LCOR: variants seen among roughly 807,000 people sequenced by gnomAD.
LCOR encodes the protein ligand dependent nuclear receptor corepressor.
Under a neutral mutation model 64.4 loss-of-function variants are expected in LCOR, and 14 were observed. That is an observed-to-expected ratio of 0.22 (90% CI 0.14 to 0.34). The LOEUF is 0.34. LCOR is among the 10% of genes least tolerant of loss of function. The pLI is 1.00. For synonymous variants in LCOR, 643 were observed against 642.5 expected (o/e 1.00, Z -0.01); for missense variants, 1,686 against 1,765.3 (o/e 0.96, Z 0.80).
At chr10:96,931,676 AG>A (rs1251624058) in intron 4 of LCOR, among the ~76,000 whole-genome samples, 2 of 152,248 alleles carry the variant, frequency 1.3e-5, no homozygotes, top group Admixed American at 1.3e-4. Flanking sequence ...ACCTGAAGAT[AG>A]ATGGACCTAC....
chr10:96,860,179 T>G (rs1845864836), intron 2 of LCOR, among the ~76,000 whole-genome samples: 1 of 152,222 alleles, frequency 6.6e-6, no homozygotes. Flanking sequence ...ACTTGGGCCA[T>G]GTGGTGGGTT....
chr10:96,909,122 C>A (rs916524215), intron 4 of LCOR, among the ~76,000 whole-genome samples: 1 of 152,024 alleles, frequency 6.6e-6, no homozygotes, highest in Non-Finnish European at 1.5e-5. Flanking sequence ...TACTATAGTT[C>A]TCTCTTAGTC....
intron 7 of LCOR, among the ~76,000 whole-genome samples, chr10:96,971,107 C>A (rs907050548): frequency 6.6e-6 from 1 of 152,068 alleles, no homozygotes; most frequent in Non-Finnish European, 1.5e-5. Context: ...GTTTTAAAGC[C>A]ATTATGTAAA....
At chr10:96,910,559 G>A (rs565785754) in intron 4 of LCOR, among the ~76,000 whole-genome samples, 1 of 152,324 alleles carries the variant, frequency 6.6e-6, no homozygotes, top group Non-Finnish European at 1.5e-5. Context: ...GTCCGAGAAG[G>A]ACTAGAGTCT....
Position 96,983,418 on chromosome 10 carries a change from T to C in LCOR, c.2958T>C (p.His986=), listed in dbSNP as rs770061411. The change falls in exon 8 of 8, where the codon CAT becomes CAC. Residue 986 remains histidine (H), a synonymous_variant. Coordinates refer to ENST00000421806, the MANE Select transcript of LCOR (RefSeq NM_001346516.2). This position sits in a 1 kb window ranked among gnomAD's most constrained non-coding sequence, Gnocchi z 4.5. ...KEEPGHIPTQ[H]VEEAVNEVDN... ...AGCCAGGGCATATTCCCACACAGCA[T>C]GTGGAGGAGGCTGTGAATGAGGTAG... 1.9e-6 allele frequency: 3 copies of C among 1,614,052 alleles called. No individual in the cohort carries two copies. The highest frequency in any genetic ancestry group is 2.5e-6 in the Non-Finnish European group (3 of 1,180,008).
chr10:96,837,977 T>G, intron 2 of LCOR, among the ~76,000 whole-genome samples: 1 of 152,250 alleles, frequency 6.6e-6, no homozygotes, highest in East Asian at 1.9e-4. Flanking sequence ...TTTCATAGTT[T>G]CAAATGAAAA....
intron 4 of LCOR, among the ~76,000 whole-genome samples, chr10:96,908,725 T>C (rs555893345): frequency 7.3e-5 from 11 of 151,564 alleles, no homozygotes; most frequent in African/African-American, 2.7e-4. Flanking sequence ...TATACACTCT[T>C]TTTTTTTTGA....
At chr10:96,915,957 T>TG (rs1846935483) in intron 4 of LCOR, 1 of 320,732 alleles carries the variant, frequency 3.1e-6, no homozygotes, top group Non-Finnish European at 6.1e-6. Context: ...CAGTGGTGCG[T>TG]GGCCTTTGGT....
chr10:96,842,854 C>T (rs960386528), intron 2 of LCOR, among the ~76,000 whole-genome samples: 1 of 152,078 alleles, frequency 6.6e-6, no homozygotes. Flanking sequence ...TGGTCTTGAA[C>T]TCCTGACTGT....
chr10:96,841,002 T>C (rs990222857), intron 2 of LCOR, among the ~76,000 whole-genome samples: 1 of 151,922 alleles, frequency 6.6e-6, no homozygotes, highest in African/African-American at 2.4e-5. Flanking sequence ...GCTTTAGCTG[T>C]GTGTGGTTTT....
At position 96,855,215 on chromosome 10, in the gene LCOR, G is replaced by C. The variant is rs74153738; in HGVS notation, c.-330+21736G>C. 1.0e-2 allele frequency among the ~76,000 whole-genome samples: 1,522 copies of C among 152,242 alleles called. 22 individuals carry two copies. The highest frequency in any genetic ancestry group is 0.031 in the African/African-American group (1,301 of 41,530). ...CTAAAGTGGGAAGCAGCTACCATGG[G>C]GGGAGAGCTTGCCTGTGAGTGATGC... On this transcript the variant is annotated intron_variant, in intron 2 of 7. Coordinates refer to ENST00000421806, the MANE Select transcript of LCOR (RefSeq NM_001346516.2).
At chr10:96,849,803 T>C (rs1361073362) in intron 2 of LCOR, among the ~76,000 whole-genome samples, 1 of 150,464 alleles carries the variant, frequency 6.6e-6, no homozygotes, top group Non-Finnish European at 1.5e-5. Flanking sequence ...GATGTGTCAG[T>C]GGCAGGATCC....
At position 96,980,871 on chromosome 10, in the gene LCOR, G is replaced by T; in HGVS notation, c.411G>T (p.Leu137=). Residue 137 remains leucine (L), a synonymous_variant, in exon 8 of 8, where the codon CTG becomes CTT. Coordinates refer to ENST00000421806, the MANE Select transcript of LCOR (RefSeq NM_001346516.2). ...KSPLEKFMVK[L]CTHHQKQFIR... is the part of the protein sequence containing the mutation. ...CACTGGAGAAATTTATGGTCAAACT[G>T]TGTACTCATCATCAAAAGCAATTCA... 5.7e-6 allele frequency: 4 copies of T among 703,008 alleles called. No individual in the cohort carries two copies. Among genetic ancestry groups the T allele is most frequent in the Middle Eastern group, 4.6e-4 (2 of 4,370 alleles). 43.5% of individuals were successfully genotyped at this position (703,008 alleles called of 1,614,324 possible).
intron 2 of LCOR, among the ~76,000 whole-genome samples, chr10:96,886,283 G>T (rs999730796): frequency 6.6e-6 from 1 of 152,184 alleles, no homozygotes; most frequent in Non-Finnish European, 1.5e-5. Context: ...TACAGGTTGA[G>T]TGTCTCTTAT....
intron 2 of LCOR, among the ~76,000 whole-genome samples, chr10:96,875,604 G>A (rs746248847): frequency 6.6e-6 from 1 of 152,116 alleles, no homozygotes; most frequent in Non-Finnish European, 1.5e-5. Flanking sequence ...GCCCATGCCT[G>A]TAATCCCAGC....
At chr10:96,852,797 T>C (rs1361242225) in intron 2 of LCOR, among the ~76,000 whole-genome samples, 1 of 152,184 alleles carries the variant, frequency 6.6e-6, no homozygotes. Flanking sequence ...AGTCTTTTTT[T>C]AGTGACTATT....
chr10:96,972,185 A>G (rs752299144), intron 7 of LCOR, among the ~76,000 whole-genome samples: 104 of 152,130 alleles, frequency 6.8e-4, no homozygotes, highest in Admixed American at 1.4e-3. Context: ...TATGAGTATC[A>G]ATGAGGTAAA....
At chr10:96,920,652 G>GTATATA (rs1847051031) in intron 4 of LCOR, among the ~76,000 whole-genome samples, 1 of 134,462 alleles carries the variant, frequency 7.4e-6, no homozygotes, top group African/African-American at 3.2e-5. Context: ...GTGTATATAT[G>GTATATA]TGTATATATG....
At chr10:96,909,032 C>G (rs1232444338) in intron 4 of LCOR, among the ~76,000 whole-genome samples, 1 of 152,164 alleles carries the variant, frequency 6.6e-6, no homozygotes, top group Admixed American at 6.5e-5. Flanking sequence ...GTCCTATACA[C>G]TCTTAACTTA....
Sources: allele counts gnomAD v4.1 joint callset (sites outside exome capture counted in the v4.1 genomes callset), GRCh38; gene constraint gnomAD v4.1.1; non-coding constraint Gnocchi (gnomAD v3.1); transcripts MANE v1.5; gene names NCBI Gene and HGNC (gene_info 2026-07-23, HGNC 2026-07-21).